Variants in DECR2 observed in about 807,000 individuals in gnomAD.
DECR2 encodes 2,4-dienoyl-CoA reductase 2, also known as peroxisomal 2,4-dienoyl-CoA reductase [(3E)-enoyl-CoA-producing].
Under a neutral mutation model 29.2 loss-of-function variants are expected in DECR2, and 34 were observed. The ratio of observed to expected loss-of-function variants is 1.16; its 90% CI spans 0.89 to 1.55. The LOEUF (loss-of-function observed/expected upper bound fraction) is 1.55, where lower values mean the gene tolerates loss of function less well. DECR2 is among the 40% of genes most tolerant of loss of function. The pLI is 0.00. For synonymous variants in DECR2, 224 were observed against 182.7 expected, an observed-to-expected ratio of 1.23 and a Z score of -1.82; for missense variants, 485 against 425.3, an observed-to-expected ratio of 1.14 and a Z score of -1.23.
rs2054730759 is a variant in DECR2 at position 406,825 on chromosome 16, GGA to G, written c.201+429_201+430del. ...GGCACCTCAGCCTCCCAAAGTGCCAGGATTACAGGTGTGAATCACTGTGCCCG... is the reference window on the plus strand; with the variant it reads ...GGCACCTCAGCCTCCCAAAGTGCCAGTTACAGGTGTGAATCACTGTGCCCG... On this transcript the variant is annotated intron_variant, in intron 3 of 8. Coordinates refer to ENST00000219481, the MANE Select transcript of DECR2 (RefSeq NM_020664.4). The G allele has an allele frequency of 1.2e-5, 7 of 569,890 alleles. No homozygotes were observed. The South Asian group carries it at 2.2e-4, about 18-fold the overall frequency. 35.3% of individuals were successfully genotyped at this position (569,890 alleles called of 1,614,324 possible).
intron 1 of DECR2, among the ~76,000 whole-genome samples, chr16:403,697 G>A (rs1202315736): frequency 6.6e-6 from 1 of 152,116 alleles, no homozygotes; most frequent in Non-Finnish European, 1.5e-5. Context: ...GCAACAAAAC[G>A]ATACCCCTCT....
chr16:410,919 C>T lies in DECR2; in HGVS notation c.557-53C>T, dbSNP rs1255274499. The T allele has an allele frequency of 1.2e-5, 19 of 1,540,710 alleles. No individual in the cohort carries two copies. The highest frequency in any genetic ancestry group is 6.0e-5 in the South Asian group (5 of 83,576). ...GCAGCGAGACCTGGCCTTGGCCCTGCGCCCTCGCAGAGGGCAGAGCGGCCC... is the reference window on the plus strand; with the variant it reads ...GCAGCGAGACCTGGCCTTGGCCCTGTGCCCTCGCAGAGGGCAGAGCGGCCC... On this transcript the variant is annotated intron_variant, in intron 6 of 8. Transcript: ENST00000219481. The surrounding 1 kb of genome is among the most constrained non-coding windows in gnomAD (Gnocchi z 4.1).
chr16:411,514 G>C lies in DECR2; in HGVS notation c.815G>C (p.Trp272Ser). Residue 272 changes from tryptophan to serine, a missense_variant, in exon 8 of 9, where the codon TGG becomes TCG. Coordinates refer to ENST00000219481, the MANE Select transcript of DECR2 (RefSeq NM_020664.4). ...GTGCTGGTGGCCGATGGCGGGGCAT[G>C]GTTGACGTTCCCAAACGGTGTCAAA... ...GAVLVADGGA[W>S]LTFPNGVKGL... The C allele has an allele frequency of 6.2e-7, 1 of 1,614,070 alleles. No individual in the cohort carries two copies. The highest frequency in any genetic ancestry group is 8.5e-7 in the Non-Finnish European group (1 of 1,179,998).
chr16:406,227 G>A (rs760589705), intron 2 of DECR2, 119 bp from the exon 3 acceptor site: 29 of 905,900 alleles, frequency 3.2e-5, no homozygotes, highest in Non-Finnish European at 4.5e-5. Flanking sequence ...CCCTCTGCCA[G>A]CTGGGCCTTC....
At chr16:408,905 T>C (rs1168597268) in intron 4 of DECR2, among the ~76,000 whole-genome samples, 1 of 151,646 alleles carries the variant, frequency 6.6e-6, no homozygotes, top group African/African-American at 2.4e-5. Flanking sequence ...AATCTCAGCT[T>C]ACAGCACCCT....
At chr16:403,661 T>C (rs1026847969) in intron 1 of DECR2, among the ~76,000 whole-genome samples, 5 of 152,178 alleles carry the variant, frequency 3.3e-5, no homozygotes, top group Non-Finnish European at 5.9e-5. Context: ...CAAGTTTGTG[T>C]CAGCACAAGT....
intron 2 of DECR2, chr16:405,554 C>G: frequency 1.5e-6 from 2 of 1,304,674 alleles, no homozygotes; most frequent in Non-Finnish European, 2.0e-6. Context: ...TCCAGTGGGA[C>G]CTGCCTAGCA....
intron 8 of DECR2, 122 bp downstream of exon 8, chr16:411,700 G>C: frequency 9.4e-7 from 1 of 1,069,128 alleles, no homozygotes; most frequent in South Asian, 1.6e-5. Flanking sequence ...CCCGGCCCCT[G>C]CGCCAGCCTG....
chr16:401,939 C>T lies in DECR2; in HGVS notation c.-25C>T, dbSNP rs1288008545. 1 of 1,476,750 alleles carries T rather than the reference C, an allele frequency of 6.8e-7. No homozygotes were observed. The highest frequency in any genetic ancestry group is 1.5e-5 in the African/African-American group (1 of 68,448). The allele number at this position is 1,476,750 out of a possible 1,614,324, so 91.5% of individuals were successfully genotyped here. On this transcript the variant is annotated 5_prime_UTR_variant, in exon 1 of 9. Coordinates refer to ENST00000219481, the MANE Select transcript of DECR2 (RefSeq NM_020664.4). ...GGCCGAGGCCGCTCCCGCCCGTTGT[C>T]CCCGCAGTCCCCGACGGGAGCGCCA...
intron 3 of DECR2, chr16:406,800 G>A (rs571300010): frequency 5.7e-4 from 342 of 600,216 alleles, no homozygotes; most frequent in Middle Eastern, 3.2e-3. Flanking sequence ...GTGCCCGGCC[G>A]GCACCTCAGC....
intron 2 of DECR2, chr16:405,658 T>C: frequency 7.9e-7 from 1 of 1,259,082 alleles, no homozygotes; most frequent in Non-Finnish European, 1.1e-6. Context: ...CCCGTTTGTC[T>C]GTGTCAGGTG....
intron 4 of DECR2, among the ~76,000 whole-genome samples, chr16:409,148 ATTTC>A (rs1006843487): frequency 2.1e-5 from 3 of 145,054 alleles, no homozygotes; most frequent in Admixed American, 7.0e-5. Context: ...TTTTATTTTT[ATTTC>A]TTTATTTTTT....
intron 1 of DECR2, 139 bp from the exon 2 acceptor site, chr16:404,817 A>G: frequency 1.3e-6 from 1 of 747,576 alleles, no homozygotes; most frequent in Non-Finnish European, 2.2e-6. Flanking sequence ...TTTAGTAGAG[A>G]CGAGGTTTTA....
rs1005833672 is a variant in DECR2, at chr16:405,150, C to T, written c.149+126C>T. On this transcript the variant is annotated intron_variant, in intron 2 of 8. Transcript: ENST00000219481. ...CCCTGCTCACCTACCCGACAGGATC[C>T]AGGTGCCTGCCAGAGGGACTGGGGA... 2.0e-4 allele frequency: 240 copies of T among 1,185,648 alleles called. 2 individuals carry two copies. The highest frequency in any genetic ancestry group is 1.7e-3 in the Middle Eastern group (6 of 3,516). 73.4% of individuals were successfully genotyped at this position (1,185,648 alleles called of 1,614,324 possible).
chr16:405,606 G>A (rs1394436439), intron 2 of DECR2: 6 of 1,304,102 alleles, frequency 4.6e-6, no homozygotes, highest in Admixed American at 2.3e-5. Context: ...AGCAACCCCC[G>A]AACCAGAAGA....
Position 402,017 on chromosome 16 carries a change from C to G in DECR2, c.54C>G (p.Arg18=). Residue 18 remains arginine (R), a synonymous_variant, in exon 1 of 9, where the codon CGC becomes CGG. Transcript: ENST00000219481. The part of the protein sequence containing the change: ...VEGDDCLPAY[R]HLFCPDLLRD... ...GGGACGACTGTCTCCCCGCGTACCG[C>G]CACCTCTTCTGCCCGGACCTGCTGC... 6.7e-7 allele frequency: 1 copy of G among 1,488,854 alleles called. No homozygotes were observed. Among genetic ancestry groups the G allele is most frequent in the Non-Finnish European group, 8.9e-7 (1 of 1,126,724 alleles). The allele number at this position is 1,488,854 out of a possible 1,614,324, so 92.2% of individuals were successfully genotyped here.
In DECR2 at chr16:410,642, C is replaced by T; in HGVS notation, c.463-49C>T. ...CAGCCACCCGCTCACTGTCCTGTGA[C>T]CTCCCCCGACACCCGCCCGCTCACT... On this transcript the variant is annotated intron_variant, in intron 5 of 8. Coordinates refer to ENST00000219481, the MANE Select transcript of DECR2 (RefSeq NM_020664.4). The surrounding 1 kb of genome is among the most constrained non-coding windows in gnomAD (Gnocchi z 4.1). 1 of 1,529,448 alleles carries T rather than the reference C, an allele frequency of 6.5e-7. No homozygotes were observed. The highest frequency in any genetic ancestry group is 2.4e-5 in the East Asian group (1 of 41,904). The allele number at this position is 1,529,448 out of a possible 1,614,324, so 94.7% of individuals were successfully genotyped here. A position where few individuals can be genotyped will look rare whatever the true frequency, so the allele number is the denominator to read the frequency against.
chr16:407,873 C>T (rs1243870794), intron 4 of DECR2, among the ~76,000 whole-genome samples: 6 of 146,204 alleles, frequency 4.1e-5, no homozygotes, highest in Admixed American at 2.0e-4. Flanking sequence ...GCGTCTCTCT[C>T]CGGCCCCATC....
intron 4 of DECR2, among the ~76,000 whole-genome samples, chr16:408,981 G>A (rs557722712): frequency 2.0e-5 from 3 of 151,118 alleles, no homozygotes; most frequent in Non-Finnish European, 3.0e-5. Flanking sequence ...ACAGGCGCCC[G>A]CTACCACACC....
Sources: gnomAD v4.1 joint callset for allele counts (sites outside exome capture counted in the v4.1 genomes callset) on GRCh38, gnomAD v4.1.1 for gene constraint, Gnocchi (gnomAD v3.1) non-coding constraint, MANE v1.5 for transcripts, NCBI Gene and HGNC (gene_info 2026-07-23, HGNC 2026-07-21) for gene names.